The following WDTC1 variants were observed in gnomAD, a reference collection of about 807,000 sequenced individuals.
The protein encoded by WDTC1 is WD and tetratricopeptide repeats protein 1.
A neutral mutation model predicts 76.0 loss-of-function variants in WDTC1; 12 were observed. The ratio of observed to expected loss-of-function variants is 0.16; its 90% CI spans 0.10 to 0.26. The LOEUF is 0.26. Ranked by LOEUF, WDTC1 falls within the 10% of genes least tolerant of loss-of-function variation. The pLI, the probability that WDTC1 is intolerant of heterozygous loss-of-function variation, is 1.00. For synonymous variants in WDTC1, 326 were observed against 350.8 expected, an observed-to-expected ratio of 0.93 and a Z score of 0.79; for missense variants, 511 against 908.8, an observed-to-expected ratio of 0.56 and a Z score of 5.63.
intron 3 of WDTC1, among the ~76,000 whole-genome samples, chr1:27,265,381 TG>T (rs2012628242): frequency 6.6e-6 from 1 of 152,224 alleles, no homozygotes; most frequent in South Asian, 2.1e-4. Context: ...TTCTTTGCCT[TG>T]GAAAATATAG....
chr1:27,255,096 C>T (rs1553128672), intron 1 of WDTC1, among the ~76,000 whole-genome samples: 2 of 152,222 alleles, frequency 1.3e-5, no homozygotes, highest in East Asian at 1.9e-4. Context: ...CTAAAAACCC[C>T]TTCTCTTTGA....
chr1:27,241,217 A>G (rs879795730), intron 1 of WDTC1, among the ~76,000 whole-genome samples: 11 of 152,134 alleles, frequency 7.2e-5, no homozygotes, highest in Admixed American at 1.3e-4. Flanking sequence ...AATCCTCCGT[A>G]TAGCCATCTG....
intron 3 of WDTC1, among the ~76,000 whole-genome samples, chr1:27,281,930 G>A (rs1570969202): frequency 6.6e-6 from 1 of 152,138 alleles, no homozygotes; most frequent in South Asian, 2.1e-4. Context: ...AAGCAGAAAT[G>A]TGTTTGGATC....
At chr1:27,257,171 A>G (rs1401135399) in intron 1 of WDTC1, among the ~76,000 whole-genome samples, 5 of 152,156 alleles carry the variant, frequency 3.3e-5, no homozygotes, top group Admixed American at 6.6e-5. Context: ...CTGGCAACAT[A>G]TATTTCTTAG....
chr1:27,273,692 C>T (rs541156060), intron 3 of WDTC1, among the ~76,000 whole-genome samples: 16 of 151,788 alleles, frequency 1.1e-4, no homozygotes, highest in Non-Finnish European at 1.9e-4. Context: ...GATAAATATG[C>T]GCTGGTTAAA....
In WDTC1 at chr1:27,237,166, G is replaced by A. The variant is rs540733476; in HGVS notation, c.-100+2215G>A. ...TTTTATTTTTATTTTTTTGAGATGG[G>A]GTCTCACTCTGTTGCCTGGGCTGGT... is the stretch of plus-strand genomic sequence containing the variant. On this transcript the variant is annotated intron_variant, in intron 1 of 15. Transcript: ENST00000319394. Among the ~76,000 whole-genome samples, 6 of 151,936 alleles carry A rather than the reference G, an allele frequency of 3.9e-5. No homozygotes were observed. In the South Asian group the frequency reaches 1.3e-3, roughly 32 times the overall value.
chr1:27,252,902 G>A (rs1038963696), intron 1 of WDTC1, among the ~76,000 whole-genome samples: 6 of 151,870 alleles, frequency 4.0e-5, no homozygotes, highest in African/African-American at 1.2e-4. Flanking sequence ...ATTCTACTAT[G>A]ATGTGTTTAG....
chr1:27,276,241 G>A (rs544743810), intron 3 of WDTC1, among the ~76,000 whole-genome samples: 14 of 152,214 alleles, frequency 9.2e-5, no homozygotes, highest in South Asian at 4.1e-4. Flanking sequence ...GGTATATACC[G>A]AAGGGTGGAA....
At chr1:27,247,563 G>C (rs184988571) in intron 1 of WDTC1, among the ~76,000 whole-genome samples, 1 of 152,146 alleles carries the variant, frequency 6.6e-6, no homozygotes, top group East Asian at 1.9e-4. Flanking sequence ...CCACTTACAA[G>C]TTAGAACATG....
At chr1:27,264,012 A>G (rs1433932300) in intron 3 of WDTC1, among the ~76,000 whole-genome samples, 1 of 152,038 alleles carries the variant, frequency 6.6e-6, no homozygotes, top group Non-Finnish European at 1.5e-5. Flanking sequence ...TAAAAAAAAA[A>G]AAAGACCGGC....
chr1:27,263,076 C>A (rs2012534453), intron 2 of WDTC1, 76 bp from the exon 3 acceptor site: 5 of 1,512,292 alleles, frequency 3.3e-6, no homozygotes, highest in East Asian at 2.3e-5. Flanking sequence ...CAGGAAAGAG[C>A]TGGATATATA....
intron 1 of WDTC1, among the ~76,000 whole-genome samples, chr1:27,243,647 T>C (rs1212203222): frequency 6.6e-6 from 1 of 152,184 alleles, no homozygotes; most frequent in African/African-American, 2.4e-5. Flanking sequence ...AAGATGAGGA[T>C]AACAATAGCA....
chr1:27,295,016 T>A (rs1045550802), intron 9 of WDTC1, among the ~76,000 whole-genome samples: 6 of 152,198 alleles, frequency 3.9e-5, no homozygotes, highest in Non-Finnish European at 5.9e-5. Flanking sequence ...AGGAAATCCC[T>A]GGGGCTCAGA....
At chr1:27,238,315 G>T (rs2011535326) in intron 1 of WDTC1, among the ~76,000 whole-genome samples, 1 of 152,116 alleles carries the variant, frequency 6.6e-6, no homozygotes, top group African/African-American at 2.4e-5. Flanking sequence ...GAAACTGGAT[G>T]TTCTCTGTGA....
At chr1:27,291,513 C>G (rs543404432) in intron 6 of WDTC1, among the ~76,000 whole-genome samples, 2 of 152,120 alleles carry the variant, frequency 1.3e-5, no homozygotes, top group African/African-American at 2.4e-5. Flanking sequence ...TGATGTCCCC[C>G]CTACCCACCA....
At chr1:27,243,782 C>T (rs2011711720) in intron 1 of WDTC1, among the ~76,000 whole-genome samples, 1 of 152,044 alleles carries the variant, frequency 6.6e-6, no homozygotes. Flanking sequence ...TCTGTTCCTC[C>T]TCACCCTGCA....
chr1:27,258,040 C>T (rs1018331619), intron 1 of WDTC1, among the ~76,000 whole-genome samples: 2 of 151,836 alleles, frequency 1.3e-5, no homozygotes, highest in Admixed American at 6.6e-5. Context: ...CCGCCCGCCT[C>T]GGCCTCCCAA....
chr1:27,234,561 T>C (rs2011444765), upstream of WDTC1: 1 of 384,492 alleles, frequency 2.6e-6, no homozygotes, highest in East Asian at 3.7e-5. Context: ...CCGGGCGCAG[T>C]CTTCGTAGCG....
chr1:27,239,123 C>CAG (rs2011559608), intron 1 of WDTC1, among the ~76,000 whole-genome samples: 1 of 142,590 alleles, frequency 7.0e-6, no homozygotes, highest in Admixed American at 7.0e-5. Context: ...AGGCTGGTCT[C>CAG]AAACTCCTGG....
Sources: gnomAD v4.1 joint callset for allele counts (sites outside exome capture counted in the v4.1 genomes callset) on GRCh38, gnomAD v4.1.1 for gene constraint, MANE v1.5 for transcripts, NCBI Gene and HGNC (gene_info 2026-07-23, HGNC 2026-07-21) for gene names.